GALNT17: variants seen among roughly 807,000 people sequenced by gnomAD.
GALNT17 encodes the protein polypeptide N-acetylgalactosaminyltransferase 17, also known as UDP-GalNAc:polypeptide N-acetylgalactosaminyltransferase-like 3.
GALNT17 carries 29 observed loss-of-function variants against 63.7 expected under a neutral mutation model. That is an observed-to-expected ratio of 0.46 (90% CI 0.34 to 0.62). GALNT17 has a LOEUF of 0.62. GALNT17 is among the 20% of genes least tolerant of loss of function. The probability of loss-of-function intolerance (pLI) is 0.01; values close to 1 mark genes in which losing one functional copy is unlikely to be tolerated. For synonymous variants in GALNT17, 305 were observed against 318.3 expected (o/e 0.96, Z 0.45); for missense variants, 603 against 799.6 (o/e 0.75, Z 2.97).
At chr7:71,524,657 ATAAAAAGTGG>A (rs1788595089) in intron 5 of GALNT17, among the ~76,000 whole-genome samples, 1 of 152,254 alleles carries the variant, frequency 6.6e-6, no homozygotes, top group South Asian at 2.1e-4. Context: ...TGTTAGTTTT[ATAAAAAGTGG>A]TGAGAATGAC....
intron 1 of GALNT17, among the ~76,000 whole-genome samples, chr7:71,288,497 A>G (rs1022714536): frequency 6.6e-6 from 1 of 152,128 alleles, no homozygotes; most frequent in Non-Finnish European, 1.5e-5. Flanking sequence ...TCCTGACTAT[A>G]AGCCCTGAGC....
chr7:71,527,092 G>A (rs547239011), intron 5 of GALNT17, among the ~76,000 whole-genome samples: 1 of 152,162 alleles, frequency 6.6e-6, no homozygotes, highest in African/African-American at 2.4e-5. Flanking sequence ...GGTCTGTATT[G>A]CATCTAGAAG....
intron 1 of GALNT17, among the ~76,000 whole-genome samples, chr7:71,246,566 C>T (rs1156739662): frequency 2.0e-5 from 3 of 151,532 alleles, no homozygotes; most frequent in East Asian, 4.0e-4. Context: ...CGTGGTGGCT[C>T]ACGCCTCTAA....
chr7:71,508,771 C>G (rs745598281), intron 5 of GALNT17, among the ~76,000 whole-genome samples: 9 of 152,228 alleles, frequency 5.9e-5, no homozygotes, highest in Admixed American at 3.9e-4. Flanking sequence ...AAACTGTGTT[C>G]CTTCCCCAGT....
At chr7:71,205,746 G>A (rs1789260393) in intron 1 of GALNT17, among the ~76,000 whole-genome samples, 1 of 152,040 alleles carries the variant, frequency 6.6e-6, no homozygotes, top group Non-Finnish European at 1.5e-5. Flanking sequence ...AGAGTTTCAG[G>A]ATATTATTGC....
At chr7:71,544,909 G>T (rs1173673563) in intron 5 of GALNT17, among the ~76,000 whole-genome samples, 1 of 150,824 alleles carries the variant, frequency 6.6e-6, no homozygotes, top group Admixed American at 6.6e-5. Context: ...CATCACATCG[G>T]GATTTTTCTG....
chr7:71,691,898 T>TCC (rs3062961), intron 9 of GALNT17, among the ~76,000 whole-genome samples: 1 of 150,388 alleles, frequency 6.6e-6, no homozygotes, highest in African/African-American at 2.4e-5. Flanking sequence ...CTTCCTTCCT[T>TCC]TCTCTCTTTC....
At chr7:71,592,496 A>AAAAAT (rs374557191) in intron 6 of GALNT17, among the ~76,000 whole-genome samples, 107 of 90,954 alleles carry the variant, frequency 1.2e-3, no homozygotes, top group African/African-American at 3.8e-3. Flanking sequence ...ACTCCATTTC[A>AAAAAT]AAAATAAAAT....
At chr7:71,300,623 C>G (rs77705707) in intron 1 of GALNT17, 3,068 of 228,082 alleles carry the variant, frequency 0.013, 92 homozygotes, top group African/African-American at 0.065. Context: ...ACCACACACA[C>G]AAACACACAT....
At chr7:71,250,226 A>G (rs1015159112) in intron 1 of GALNT17, among the ~76,000 whole-genome samples, 1 of 152,170 alleles carries the variant, frequency 6.6e-6, no homozygotes, top group Non-Finnish European at 1.5e-5. Flanking sequence ...TTTTTCTGAA[A>G]ATATTTATGG....
At chr7:71,686,520 A>G (rs920776597) in intron 9 of GALNT17, among the ~76,000 whole-genome samples, 23 of 150,940 alleles carry the variant, frequency 1.5e-4, no homozygotes, top group African/African-American at 5.6e-4. Context: ...AGCTGGGATT[A>G]CAGTCACACA....
At chr7:71,358,771 T>G (rs1030648034) in intron 2 of GALNT17, among the ~76,000 whole-genome samples, 4 of 151,998 alleles carry the variant, frequency 2.6e-5, no homozygotes, top group Admixed American at 2.6e-4. Flanking sequence ...TTTCTTTTCT[T>G]TTTCTTTTTC....
intron 2 of GALNT17, among the ~76,000 whole-genome samples, chr7:71,345,475 T>C (rs1327609739): frequency 6.6e-6 from 1 of 152,176 alleles, no homozygotes; most frequent in East Asian, 1.9e-4. Flanking sequence ...GCACAACAAA[T>C]TCTAACCCAT....
At chr7:71,705,397 C>G (rs2117122309) in intron 9 of GALNT17, among the ~76,000 whole-genome samples, 2 of 152,160 alleles carry the variant, frequency 1.3e-5, no homozygotes, top group South Asian at 4.1e-4. Flanking sequence ...AATTGAAACC[C>G]CGGTTCATTG....
At chr7:71,317,327 C>A (rs551346936) in intron 1 of GALNT17, among the ~76,000 whole-genome samples, 1 of 152,314 alleles carries the variant, frequency 6.6e-6, no homozygotes, top group Admixed American at 6.5e-5. Flanking sequence ...CTTAGGAAAT[C>A]AGCTTTGTTG....
chr7:71,234,687 G>A (rs780225048), intron 1 of GALNT17, among the ~76,000 whole-genome samples: 4 of 152,170 alleles, frequency 2.6e-5, no homozygotes, highest in African/African-American at 4.8e-5. Context: ...GCTTTCATCC[G>A]TGGTCATAAT....
chr7:71,231,599 A>G (rs1161763477), intron 1 of GALNT17, among the ~76,000 whole-genome samples: 1 of 151,914 alleles, frequency 6.6e-6, no homozygotes, highest in African/African-American at 2.4e-5. Flanking sequence ...GGGTGCCAGC[A>G]TGGTCAGATA....
intron 2 of GALNT17, among the ~76,000 whole-genome samples, chr7:71,346,294 C>T (rs1293876913): frequency 1.3e-5 from 2 of 152,006 alleles, no homozygotes; most frequent in East Asian, 1.9e-4. Flanking sequence ...TTTTCACAGA[C>T]TCACATGGAC....
At chr7:71,322,288 A>G (rs931015380) in intron 1 of GALNT17, among the ~76,000 whole-genome samples, 3 of 152,096 alleles carry the variant, frequency 2.0e-5, no homozygotes, top group South Asian at 2.1e-4. Flanking sequence ...GGATAAAGCT[A>G]TTCGGAGGAT....
Sources: gnomAD v4.1 joint callset for allele counts (sites outside exome capture counted in the v4.1 genomes callset) on GRCh38, gnomAD v4.1.1 for gene constraint, MANE v1.5 for transcripts, NCBI Gene and HGNC (gene_info 2026-07-23, HGNC 2026-07-21) for gene names.